USH2A: variants seen among roughly 807,000 people sequenced by gnomAD.
USH2A encodes Usher syndrome 2A (autosomal recessive, mild).
A neutral mutation model predicts 538.9 loss-of-function variants in USH2A; 443 were observed. The observed-to-expected ratio is 0.82, with a 90% CI of 0.76 to 0.89. The LOEUF (loss-of-function observed/expected upper bound fraction) is 0.89, where lower values mean the gene tolerates loss of function less well. Ranked by LOEUF, USH2A falls within the 40% of genes least tolerant of loss-of-function variation. The pLI is 0.00. For synonymous variants in USH2A, 2,413 were observed against 2,273.5 expected (o/e 1.06, Z -1.75); for missense variants, 6,633 against 6,324.8 (o/e 1.05, Z -1.65).
intron 34 of USH2A, 109 bp downstream of exon 34, chr1:215,998,778 G>T: frequency 7.9e-7 from 1 of 1,261,934 alleles, no homozygotes; most frequent in Non-Finnish European, 1.1e-6. Flanking sequence ...AATACATGAA[G>T]ATTTTGACTT....
Position 216,146,459 on chromosome 1 carries a change from TG to T in USH2A, c.4627+28792del, listed in dbSNP as rs754663841. ...TGATTATACACTCACGTTTCAAGGG[TG>T]TCAGACCACGCAGGGACACCTGCCT... On this transcript the variant is annotated intron_variant, in intron 21 of 71. Transcript: ENST00000307340. 3.2e-4 allele frequency among the ~76,000 whole-genome samples: 48 copies of T among 152,188 alleles called. No homozygotes were observed. In the Middle Eastern group the frequency reaches 0.017, roughly 54 times the overall value.
At chr1:216,225,269 A>G (rs997195328) in intron 14 of USH2A, among the ~76,000 whole-genome samples, 3 of 152,216 alleles carry the variant, frequency 2.0e-5, no homozygotes, top group Non-Finnish European at 4.4e-5. Context: ...AGAGGAATGG[A>G]AAAACATTAA....
chr1:215,654,091 G>GA (rs1279587357), intron 64 of USH2A, among the ~76,000 whole-genome samples: 1 of 151,652 alleles, frequency 6.6e-6, no homozygotes, highest in East Asian at 1.9e-4. Flanking sequence ...ATGGCCAAGA[G>GA]AAAAAAAAGC....
intron 13 of USH2A, among the ~76,000 whole-genome samples, chr1:216,239,116 C>CAT (rs1474572274): frequency 2.1e-5 from 3 of 144,496 alleles, no homozygotes; most frequent in African/African-American, 7.5e-5. Context: ...AAAAAAAAAA[C>CAT]ATTAAAGTGG....
intron 41 of USH2A, among the ~76,000 whole-genome samples, chr1:215,884,531 TG>T (rs990557391): frequency 6.6e-6 from 1 of 152,186 alleles, no homozygotes; most frequent in African/African-American, 2.4e-5. Context: ...GTCTGTAAAA[TG>T]GGAATGACAA....
chr1:215,770,790 A>G (rs1661254856), intron 55 of USH2A, among the ~76,000 whole-genome samples: 1 of 151,996 alleles, frequency 6.6e-6, no homozygotes, highest in African/African-American at 2.4e-5. Context: ...GGAGGAAAGT[A>G]CCTATGATCA....
chr1:216,135,004 C>G (rs997921569), intron 21 of USH2A, among the ~76,000 whole-genome samples: 2 of 151,970 alleles, frequency 1.3e-5, no homozygotes, highest in Admixed American at 6.6e-5. Context: ...ATAATCTAGC[C>G]ATCAGAATAG....
At chr1:216,220,135 T>C (rs977334363) in intron 14 of USH2A, among the ~76,000 whole-genome samples, 2 of 152,026 alleles carry the variant, frequency 1.3e-5, no homozygotes, top group African/African-American at 4.8e-5. Context: ...TGTCAGAAAA[T>C]TCATCATCTG....
intron 46 of USH2A, among the ~76,000 whole-genome samples, chr1:215,840,563 A>G (rs909775560): frequency 6.6e-6 from 1 of 152,162 alleles, no homozygotes; most frequent in African/African-American, 2.4e-5. Context: ...CTTTATACCT[A>G]CTGGCTTGAG....
intron 61 of USH2A, among the ~76,000 whole-genome samples, chr1:215,724,635 G>A (rs1339036238): frequency 6.6e-6 from 1 of 152,000 alleles, no homozygotes. Flanking sequence ...AATGAAATGG[G>A]GTCTTCTAAA....
At chr1:216,321,092 T>C (rs891675103) in intron 9 of USH2A, among the ~76,000 whole-genome samples, 3 of 152,172 alleles carry the variant, frequency 2.0e-5, no homozygotes, top group Admixed American at 1.3e-4. Context: ...ACATACATTT[T>C]TGTACATACA....
chr1:216,312,885 T>C (rs1003903230), intron 9 of USH2A, among the ~76,000 whole-genome samples: 14 of 152,144 alleles, frequency 9.2e-5, no homozygotes, highest in African/African-American at 3.1e-4. Flanking sequence ...TAACTTTTTG[T>C]TGAAATCCAG....
chr1:215,667,089 C>T (rs1341470765), intron 64 of USH2A, among the ~76,000 whole-genome samples: 1 of 151,616 alleles, frequency 6.6e-6, no homozygotes, highest in East Asian at 1.9e-4. Flanking sequence ...CATGCCATCT[C>T]AAAAAAAGAA....
At chr1:216,104,739 A>G (rs566059028) in intron 21 of USH2A, among the ~76,000 whole-genome samples, 6 of 152,310 alleles carry the variant, frequency 3.9e-5, no homozygotes, top group Admixed American at 2.6e-4. Flanking sequence ...CCTAGGCAAT[A>G]CCATTCAGGA....
chr1:215,908,218 C>A (rs1571802261), intron 38 of USH2A, among the ~76,000 whole-genome samples: 1 of 151,946 alleles, frequency 6.6e-6, no homozygotes, highest in East Asian at 1.9e-4. Context: ...GACCATAGTT[C>A]ATCTCCCAAA....
At position 215,727,026 on chromosome 1, in the gene USH2A, A is replaced by G. The variant is rs138240769; in HGVS notation, c.12066+1004T>C. Among the ~76,000 whole-genome samples, 13 of 152,312 alleles carry G rather than the reference A, an allele frequency of 8.5e-5. No homozygotes were observed. In the East Asian group the frequency reaches 2.5e-3, roughly 29 times the overall value. ...TGTATATTCCATAGACCATGAGGTT[A>G]TGCTGGACATAAAGAAAGCACTCAG... On this transcript the variant is annotated intron_variant, in intron 61 of 71. Coordinates refer to ENST00000307340, the MANE Select transcript of USH2A (RefSeq NM_206933.4).
At chr1:216,402,053 A>G (rs1036647090) in intron 3 of USH2A, among the ~76,000 whole-genome samples, 4 of 152,168 alleles carry the variant, frequency 2.6e-5, no homozygotes, top group African/African-American at 9.6e-5. Context: ...GAAGATTTAT[A>G]TGTGTATGCA....
chr1:216,158,485 T>A (rs1217075899), intron 21 of USH2A, among the ~76,000 whole-genome samples: 1 of 152,122 alleles, frequency 6.6e-6, no homozygotes, highest in Non-Finnish European at 1.5e-5. Flanking sequence ...ACTCTTGCCT[T>A]GGCCTCTCAA....
At chr1:215,696,978 G>A (rs760989680) in intron 61 of USH2A, among the ~76,000 whole-genome samples, 1 of 151,828 alleles carries the variant, frequency 6.6e-6, no homozygotes, top group Non-Finnish European at 1.5e-5. Context: ...TTTGAGACAG[G>A]GTCTTACTTT....
Sources: allele counts gnomAD v4.1 joint callset (sites outside exome capture counted in the v4.1 genomes callset), GRCh38; gene constraint gnomAD v4.1.1; transcripts MANE v1.5; gene names NCBI Gene and HGNC (gene_info 2026-07-23, HGNC 2026-07-21).